The following MACROD2 variants were observed in gnomAD, a reference collection of about 807,000 sequenced individuals.
MACROD2 encodes the protein ADP-ribose glycohydrolase MACROD2.
Under a neutral mutation model 70.4 loss-of-function variants are expected in MACROD2, and 36 were observed. That is an observed-to-expected ratio of 0.51 (90% CI 0.39 to 0.68). The LOEUF (loss-of-function observed/expected upper bound fraction) is 0.68, where lower values mean the gene tolerates loss of function less well. Ranked by LOEUF, MACROD2 falls within the 30% of genes least tolerant of loss-of-function variation. MACROD2 has a pLI of 0.00. For missense variants in MACROD2, 496 were observed against 538.4 expected (o/e 0.92, Z 0.78); for synonymous variants, 172 against 178.8 (o/e 0.96, Z 0.30).
chr20:15,566,506 A>G (rs2048313259), intron 8 of MACROD2, among the ~76,000 whole-genome samples: 1 of 152,164 alleles, frequency 6.6e-6, no homozygotes, highest in African/African-American at 2.4e-5. Context: ...TCCAAAAAAA[A>G]AAAAGGGAAC....
chr20:15,018,302 T>A (rs555109445), intron 5 of MACROD2, among the ~76,000 whole-genome samples: 1 of 152,030 alleles, frequency 6.6e-6, no homozygotes, highest in African/African-American at 2.4e-5. Context: ...ATAACAAGAG[T>A]CACCTTTGCT....
At chr20:15,852,563 C>G (rs1481626716) in intron 8 of MACROD2, among the ~76,000 whole-genome samples, 1 of 152,192 alleles carries the variant, frequency 6.6e-6, no homozygotes. Flanking sequence ...CAAGTGCGAA[C>G]ATGGCTAATA....
At chr20:14,488,535 T>G (rs1440229596) in intron 3 of MACROD2, among the ~76,000 whole-genome samples, 1 of 152,200 alleles carries the variant, frequency 6.6e-6, no homozygotes, top group Admixed American at 6.5e-5. Flanking sequence ...GTAGGCTCCA[T>G]GCATGTTGTT....
At chr20:14,671,405 G>A (rs144415401) in intron 4 of MACROD2, among the ~76,000 whole-genome samples, 112 of 152,160 alleles carry the variant, frequency 7.4e-4, no homozygotes, top group African/African-American at 2.5e-3. Flanking sequence ...GATTTTAAGG[G>A]TCTACTGTAA....
intron 8 of MACROD2, among the ~76,000 whole-genome samples, chr20:15,680,382 T>A (rs975338750): frequency 6.6e-6 from 1 of 152,142 alleles, no homozygotes; most frequent in Non-Finnish European, 1.5e-5. Context: ...TGCTTCCTTC[T>A]CCTCTCATCA....
intron 10 of MACROD2, among the ~76,000 whole-genome samples, chr20:15,905,321 A>T (rs2065130996): frequency 6.6e-6 from 1 of 152,224 alleles, no homozygotes; most frequent in Non-Finnish European, 1.5e-5. Context: ...CTATTAAAAA[A>T]CTAAAGGAAA....
At chr20:15,538,164 T>TA (rs1461936046) in intron 8 of MACROD2, among the ~76,000 whole-genome samples, 2 of 152,138 alleles carry the variant, frequency 1.3e-5, no homozygotes, top group Non-Finnish European at 2.9e-5. Flanking sequence ...AAAAACAACT[T>TA]AAAAAAACTA....
intron 5 of MACROD2, among the ~76,000 whole-genome samples, chr20:15,182,379 G>T (rs1477007339): frequency 6.6e-6 from 1 of 152,116 alleles, no homozygotes; most frequent in African/African-American, 2.4e-5. Context: ...ACAATCTAGT[G>T]AGCTGTGAAT....
intron 5 of MACROD2, among the ~76,000 whole-genome samples, chr20:14,919,213 A>G (rs1349195191): frequency 6.6e-6 from 1 of 152,204 alleles, no homozygotes; most frequent in Non-Finnish European, 1.5e-5. Context: ...AAGTTCCAGA[A>G]AGAGCTTCGT....
chr20:14,291,871 A>G (rs2082389143), intron 3 of MACROD2, among the ~76,000 whole-genome samples: 1 of 151,876 alleles, frequency 6.6e-6, no homozygotes, highest in African/African-American at 2.4e-5. Flanking sequence ...TGGATTCCCT[A>G]GAAATAGACC....
At chr20:14,499,730 C>T (rs1366804216) in intron 4 of MACROD2, among the ~76,000 whole-genome samples, 2 of 151,978 alleles carry the variant, frequency 1.3e-5, no homozygotes, top group Non-Finnish European at 2.9e-5. Context: ...CTTCCCTCCT[C>T]CCCGTCTTCT....
intron 2 of MACROD2, among the ~76,000 whole-genome samples, chr20:14,027,704 C>T (rs1266174199): frequency 6.6e-6 from 1 of 152,160 alleles, no homozygotes. Context: ...CTTGGAGGTC[C>T]ACTGCACACC....
chr20:14,335,108 G>C (rs940392688), intron 3 of MACROD2, among the ~76,000 whole-genome samples: 13 of 152,128 alleles, frequency 8.5e-5, no homozygotes, highest in Non-Finnish European at 1.5e-4. Context: ...GCTTAAAACT[G>C]TTCAAAATAA....
At chr20:14,859,827 TTG>T (rs1181128300) in intron 5 of MACROD2, among the ~76,000 whole-genome samples, 1 of 152,156 alleles carries the variant, frequency 6.6e-6, no homozygotes, top group Non-Finnish European at 1.5e-5. Context: ...TTTGCAATAA[TTG>T]TCATTCTCAG....
At chr20:15,580,418 C>A (rs1013238796) in intron 8 of MACROD2, among the ~76,000 whole-genome samples, 1 of 152,092 alleles carries the variant, frequency 6.6e-6, no homozygotes, top group Non-Finnish European at 1.5e-5. Flanking sequence ...GTCTACATGC[C>A]GTAACTGTGG....
chr20:15,614,030 A>G (rs1032614307), intron 8 of MACROD2, among the ~76,000 whole-genome samples: 1 of 152,206 alleles, frequency 6.6e-6, no homozygotes, highest in Non-Finnish European at 1.5e-5. Flanking sequence ...GGATTATATC[A>G]ATAACCCAGA....
intron 4 of MACROD2, among the ~76,000 whole-genome samples, chr20:14,512,678 G>A (rs1307653068): frequency 6.6e-6 from 1 of 152,006 alleles, no homozygotes; most frequent in Non-Finnish European, 1.5e-5. Context: ...CACCTCACAC[G>A]TACTTGACCT....
At chr20:14,131,808 G>GC (rs1013844219) in intron 3 of MACROD2, among the ~76,000 whole-genome samples, 10 of 152,044 alleles carry the variant, frequency 6.6e-5, no homozygotes, top group Admixed American at 6.6e-4. Flanking sequence ...GCTCACTGCA[G>GC]CCTTTGGTTT....
At chr20:14,103,393 T>G (rs2148680250) in intron 3 of MACROD2, among the ~76,000 whole-genome samples, 1 of 152,320 alleles carries the variant, frequency 6.6e-6, no homozygotes, top group East Asian at 1.9e-4. Flanking sequence ...TTCCATGTTT[T>G]TAGAGATCGT....
Sources: allele counts gnomAD v4.1 joint callset (sites outside exome capture counted in the v4.1 genomes callset), GRCh38; gene constraint gnomAD v4.1.1; transcripts MANE v1.5; gene names NCBI Gene and HGNC (gene_info 2026-07-23, HGNC 2026-07-21).